RGS7BP: variants seen among roughly 807,000 people sequenced by gnomAD.
The protein encoded by RGS7BP is regulator of G protein signaling 7-binding protein.
RGS7BP carries 9 observed loss-of-function variants against 31.3 expected under a neutral mutation model. The observed-to-expected ratio is 0.29, with a 90% confidence interval of 0.17 to 0.50. RGS7BP has a LOEUF of 0.50. Among genes scored for constraint, RGS7BP ranks in the 20% least tolerant of loss-of-function variants. The pLI is 0.98. For synonymous variants in RGS7BP, 115 were observed against 120.1 expected (o/e 0.96, Z 0.28); for missense variants, 274 against 322.0 (o/e 0.85, Z 1.14).
chr5:64,577,381 GCAGTGAGCCAAGATC>G (rs1742464327), intron 3 of RGS7BP, among the ~76,000 whole-genome samples: 1 of 152,162 alleles, frequency 6.6e-6, no homozygotes, highest in Non-Finnish European at 1.5e-5. Flanking sequence ...GGCGGAGCTT[GCAGTGAGCCAAGATC>G]CGGCCACTGC....
chr5:64,544,647 C>G (rs183424311), intron 2 of RGS7BP, among the ~76,000 whole-genome samples: 1 of 151,764 alleles, frequency 6.6e-6, no homozygotes, highest in South Asian at 2.1e-4. Context: ...GCACTCCAGC[C>G]GGGGCAACCA....
intron 5 of RGS7BP, among the ~76,000 whole-genome samples, chr5:64,602,616 G>C (rs966132183): frequency 2.0e-4 from 30 of 152,160 alleles, no homozygotes; most frequent in African/African-American, 7.2e-4. Flanking sequence ...AATTGGATGG[G>C]AATCACCTAG....
At chr5:64,574,599 A>G (rs566871181) in intron 2 of RGS7BP, among the ~76,000 whole-genome samples, 2 of 152,340 alleles carry the variant, frequency 1.3e-5, no homozygotes, top group East Asian at 3.9e-4. Flanking sequence ...TGCTGAGGCT[A>G]AGAATTTTGC....
intron 2 of RGS7BP, among the ~76,000 whole-genome samples, chr5:64,553,916 C>T (rs919368620): frequency 1.3e-5 from 2 of 152,134 alleles, no homozygotes; most frequent in African/African-American, 2.4e-5. Context: ...TGAAAGGCAG[C>T]ATGGTCTGAT....
chr5:64,591,385 T>C (rs1742910995), intron 3 of RGS7BP, among the ~76,000 whole-genome samples: 1 of 151,888 alleles, frequency 6.6e-6, no homozygotes, highest in African/African-American at 2.4e-5. Context: ...TTAACCTCGG[T>C]AGTAATAAAG....
rs764689170 is a variant in RGS7BP, at chr5:64,594,791, C to T, written c.545C>T (p.Ser182Leu). Residue 182 changes from serine to leucine, a missense_variant, in exon 4 of 6, where the codon TCA (serine) becomes TTA (leucine). Coordinates refer to ENST00000334025, the MANE Select transcript of RGS7BP (RefSeq NM_001029875.3). Reference protein sequence around the residue: ...SAETPALEDSSSSPVDSQQHS... With the variant: ...SAETPALEDSLSSPVDSQQHS... The stretch of plus-strand genomic sequence containing the variant: ...GAAACACCTGCCCTAGAAGACTCCT[C>T]ATCATCCCCCGTAGATAGTCAGCAA... 8 of 1,613,752 alleles carry T rather than the reference C, an allele frequency of 5.0e-6. No homozygotes were observed. In the East Asian group the frequency reaches 6.7e-5, roughly 13 times the overall value.
At chr5:64,558,766 A>G (rs913328010) in intron 2 of RGS7BP, among the ~76,000 whole-genome samples, 11 of 152,176 alleles carry the variant, frequency 7.2e-5, no homozygotes, top group Admixed American at 2.6e-4. Flanking sequence ...AAGGAATATT[A>G]ATAATTAACA....
At chr5:64,535,913 A>C (rs369451009) in intron 2 of RGS7BP, among the ~76,000 whole-genome samples, 1 of 152,222 alleles carries the variant, frequency 6.6e-6, no homozygotes, top group East Asian at 1.9e-4. Flanking sequence ...AATGGGTAAC[A>C]CAGAAAGTCT....
chr5:64,543,148 G>A (rs561794687), intron 2 of RGS7BP, among the ~76,000 whole-genome samples: 2 of 152,276 alleles, frequency 1.3e-5, no homozygotes, highest in African/African-American at 4.8e-5. Flanking sequence ...ACACTCATAG[G>A]AGACTTATGT....
intron 2 of RGS7BP, among the ~76,000 whole-genome samples, chr5:64,542,348 T>C (rs909866316): frequency 6.6e-6 from 1 of 152,226 alleles, no homozygotes; most frequent in Non-Finnish European, 1.5e-5. Context: ...CTGAACAATA[T>C]GTGAACATGC....
At chr5:64,561,141 G>C (rs549400827) in intron 2 of RGS7BP, among the ~76,000 whole-genome samples, 1 of 152,170 alleles carries the variant, frequency 6.6e-6, no homozygotes, top group South Asian at 2.1e-4. Flanking sequence ...GTCCTCCTGT[G>C]CTAGACATGT....
chr5:64,584,460 A>G (rs1423715593), intron 3 of RGS7BP, among the ~76,000 whole-genome samples: 6 of 152,248 alleles, frequency 3.9e-5, no homozygotes, highest in African/African-American at 1.4e-4. Flanking sequence ...CCAGTATGGA[A>G]AAGTCTGAAT....
chr5:64,541,871 A>G (rs1198133565), intron 2 of RGS7BP, among the ~76,000 whole-genome samples: 1 of 151,344 alleles, frequency 6.6e-6, no homozygotes. Flanking sequence ...TCTTCTTTTG[A>G]TTTTTTTAAA....
At chr5:64,583,879 T>G (rs1158479757) in intron 3 of RGS7BP, among the ~76,000 whole-genome samples, 2 of 152,240 alleles carry the variant, frequency 1.3e-5, no homozygotes, top group African/African-American at 2.4e-5. Context: ...AATGTAGATG[T>G]TGGCTGAAGA....
intron 2 of RGS7BP, among the ~76,000 whole-genome samples, chr5:64,534,919 C>T (rs1311064418): frequency 1.3e-5 from 2 of 152,168 alleles, no homozygotes; most frequent in East Asian, 3.9e-4. Context: ...CTCTTAAAAC[C>T]TAGGAAGAAA....
chr5:64,562,821 A>C (rs976676085), intron 2 of RGS7BP, among the ~76,000 whole-genome samples: 23 of 152,164 alleles, frequency 1.5e-4, no homozygotes, highest in African/African-American at 5.5e-4. Flanking sequence ...TCAGCCTTGA[A>C]AGTTCAGTTT....
At chr5:64,549,101 A>G (rs771355058) in intron 2 of RGS7BP, among the ~76,000 whole-genome samples, 1 of 152,164 alleles carries the variant, frequency 6.6e-6, no homozygotes, top group Non-Finnish European at 1.5e-5. Context: ...CCAAGGTCTC[A>G]TCTAAATAAC....
chr5:64,560,497 T>C (rs1742026721), intron 2 of RGS7BP, among the ~76,000 whole-genome samples: 1 of 151,548 alleles, frequency 6.6e-6, no homozygotes, highest in Non-Finnish European at 1.5e-5. Context: ...CCTTTCCTAA[T>C]TTCTATTTTT....
At chr5:64,536,872 T>C (rs773301889) in intron 2 of RGS7BP, among the ~76,000 whole-genome samples, 1 of 152,112 alleles carries the variant, frequency 6.6e-6, no homozygotes, top group Non-Finnish European at 1.5e-5. Flanking sequence ...ATTAATTTGA[T>C]GAGCTAGTAA....
Sources: allele counts gnomAD v4.1 joint callset (sites outside exome capture counted in the v4.1 genomes callset), GRCh38; gene constraint gnomAD v4.1.1; transcripts MANE v1.5; gene names NCBI Gene and HGNC (gene_info 2026-07-23, HGNC 2026-07-21).